Variants in HS6ST3 observed in about 807,000 individuals in gnomAD.
HS6ST3 encodes heparan-sulfate 6-O-sulfotransferase 3.
A neutral mutation model predicts 36.7 loss-of-function variants in HS6ST3; 12 were observed. That is an observed-to-expected ratio of 0.33 (90% CI 0.21 to 0.53). The LOEUF (loss-of-function observed/expected upper bound fraction) is 0.53, where lower values mean the gene tolerates loss of function less well. Among genes scored for constraint, HS6ST3 ranks in the 20% least tolerant of loss-of-function variants. The pLI is 0.95. For synonymous variants in HS6ST3, 240 were observed against 257.5 expected (o/e 0.93, Z 0.65); for missense variants, 584 against 640.9 (o/e 0.91, Z 0.96).
At chr13:96,589,912 C>T (rs1227192290) in intron 1 of HS6ST3, among the ~76,000 whole-genome samples, 1 of 152,064 alleles carries the variant, frequency 6.6e-6, no homozygotes, top group African/African-American at 2.4e-5. Flanking sequence ...TTTTATCTCC[C>T]ACATATAAGT....
At chr13:96,813,448 G>A (rs1159109234) in intron 1 of HS6ST3, among the ~76,000 whole-genome samples, 1 of 152,128 alleles carries the variant, frequency 6.6e-6, no homozygotes, top group African/African-American at 2.4e-5. Flanking sequence ...CCCCACTGGG[G>A]TTCCACTCTA....
intron 1 of HS6ST3, among the ~76,000 whole-genome samples, chr13:96,783,444 T>C (rs1877572408): frequency 6.6e-6 from 1 of 152,206 alleles, no homozygotes; most frequent in Non-Finnish European, 1.5e-5. Flanking sequence ...TGTCTTGATT[T>C]TTGTTACTGC....
rs2056714950 is a variant in HS6ST3, at chr13:96,680,550, A to G, written c.708-151940A>G. ...ACACTTTCATCACACAAGTATGGTA[A>G]ACTAGATTTCAACAGAGGTGTAAAC... On this transcript the variant is annotated intron_variant, in intron 1 of 1. Coordinates refer to ENST00000376705, the MANE Select transcript of HS6ST3 (RefSeq NM_153456.4). 6.6e-5 allele frequency among the ~76,000 whole-genome samples: 10 copies of G among 152,236 alleles called. No homozygotes were observed. In the South Asian group the frequency reaches 2.1e-3, roughly 32 times the overall value.
intron 1 of HS6ST3, among the ~76,000 whole-genome samples, chr13:96,157,270 CT>C (rs1472146762): frequency 6.6e-6 from 1 of 152,208 alleles, no homozygotes; most frequent in African/African-American, 2.4e-5. Context: ...AGCTTAGCTT[CT>C]TCTCCCCATC....
chr13:96,276,110 A>G (rs2054747396), intron 1 of HS6ST3, among the ~76,000 whole-genome samples: 1 of 152,018 alleles, frequency 6.6e-6, no homozygotes, highest in South Asian at 2.1e-4. Flanking sequence ...GCATGCCTTG[A>G]TAGCCTCTGA....
At chr13:96,213,505 C>A (rs2054408804) in intron 1 of HS6ST3, among the ~76,000 whole-genome samples, 1 of 151,610 alleles carries the variant, frequency 6.6e-6, no homozygotes, top group South Asian at 2.1e-4. Flanking sequence ...TGGCCTATGG[C>A]CGACTGCCTC....
chr13:96,798,769 A>C (rs576725154), intron 1 of HS6ST3, among the ~76,000 whole-genome samples: 92 of 152,198 alleles, frequency 6.0e-4, no homozygotes, highest in African/African-American at 2.0e-3. Context: ...TAGGGTTGCC[A>C]TAACAAAATA....
chr13:96,147,937 G>A (rs116299716), intron 1 of HS6ST3, among the ~76,000 whole-genome samples: 4 of 152,296 alleles, frequency 2.6e-5, no homozygotes, highest in Non-Finnish European at 4.4e-5. Flanking sequence ...CTGTGTGGTC[G>A]TAGGAGGTGC....
At chr13:96,226,801 G>A (rs540522468) in intron 1 of HS6ST3, among the ~76,000 whole-genome samples, 3 of 152,148 alleles carry the variant, frequency 2.0e-5, no homozygotes, top group Admixed American at 6.5e-5. Flanking sequence ...ATGGTAAAGT[G>A]AAATATTAAA....
chr13:96,763,212 C>A (rs1425566505), intron 1 of HS6ST3, among the ~76,000 whole-genome samples: 1 of 151,030 alleles, frequency 6.6e-6, no homozygotes, highest in Non-Finnish European at 1.5e-5. Context: ...AAACATCAGA[C>A]ATAAGTATAT....
rs931566805 is a variant in HS6ST3, at chr13:96,312,628, T to A, written c.707+221059T>A. Among the ~76,000 whole-genome samples the A allele has an allele frequency of 4.6e-5, 7 of 152,276 alleles. No individual in the cohort carries two copies. The East Asian group carries it at 1.4e-3, about 29-fold the overall frequency. On this transcript the variant is annotated intron_variant, in intron 1 of 1. Transcript: ENST00000376705. ...TATGGCTTTATTTATTTGGAATTTA[T>A]GTTATTAGCTGTATATGCATTTAGA...
intron 1 of HS6ST3, among the ~76,000 whole-genome samples, chr13:96,342,341 A>G (rs1367579671): frequency 6.6e-6 from 1 of 152,172 alleles, no homozygotes; most frequent in Non-Finnish European, 1.5e-5. Flanking sequence ...CATGAAGGGT[A>G]AAATACATGA....
At chr13:96,337,611 GA>G (rs1230774739) in intron 1 of HS6ST3, among the ~76,000 whole-genome samples, 1 of 152,020 alleles carries the variant, frequency 6.6e-6, no homozygotes, top group Non-Finnish European at 1.5e-5. Context: ...TCAGTGCTCT[GA>G]TATTTCACTG....
chr13:96,488,099 C>A (rs1054527632), intron 1 of HS6ST3, among the ~76,000 whole-genome samples: 9 of 152,098 alleles, frequency 5.9e-5, no homozygotes, highest in Non-Finnish European at 8.8e-5. Context: ...TTATTGTTAA[C>A]CTGTGCCTTA....
intron 1 of HS6ST3, among the ~76,000 whole-genome samples, chr13:96,475,455 G>C (rs6491294): frequency 0.48 from 72,185 of 151,738 alleles, 17,665 homozygotes; most frequent in East Asian, 0.74. Context: ...TATATAATGT[G>C]TCCTTCAAGC....
intron 1 of HS6ST3, among the ~76,000 whole-genome samples, chr13:96,482,127 T>C (rs1466717873): frequency 6.6e-6 from 1 of 152,238 alleles, no homozygotes; most frequent in Non-Finnish European, 1.5e-5. Flanking sequence ...TTATTCACAG[T>C]GTCTCACACA....
chr13:96,348,386 T>A lies in HS6ST3; in HGVS notation c.707+256817T>A, dbSNP rs116112414. 5.0e-3 allele frequency among the ~76,000 whole-genome samples: 766 copies of A among 152,290 alleles called. 5 individuals are homozygous for A. Among genetic ancestry groups the A allele is most frequent in the African/African-American group, 0.017 (716 of 41,552 alleles). The stretch of plus-strand genomic sequence containing the variant: ...ATAACACTGAAAGCTGTGGGTTGTG[T>A]CGTATTTAGAGGGTCTGAGGGAAGG... On this transcript the variant is annotated intron_variant, in intron 1 of 1. Transcript: ENST00000376705.
intron 1 of HS6ST3, among the ~76,000 whole-genome samples, chr13:96,706,413 T>TTATATATATATATA (rs3052119): frequency 0.018 from 2,195 of 120,688 alleles, 40 homozygotes; most frequent in African/African-American, 0.022. Context: ...AGAATATATT[T>TTATATATATATATA]TATATATATA....
At chr13:96,307,726 C>A (rs2054920675) in intron 1 of HS6ST3, among the ~76,000 whole-genome samples, 1 of 151,708 alleles carries the variant, frequency 6.6e-6, no homozygotes, top group Admixed American at 6.6e-5. Flanking sequence ...AATTTATCAC[C>A]AAGAACAAAT....
Sources: allele counts gnomAD v4.1 joint callset (sites outside exome capture counted in the v4.1 genomes callset), GRCh38; gene constraint gnomAD v4.1.1; transcripts MANE v1.5; gene names NCBI Gene and HGNC (gene_info 2026-07-23, HGNC 2026-07-21).